The following UNC5C variants were observed in gnomAD, a reference collection of about 807,000 sequenced individuals.
UNC5C encodes the protein unc-5 netrin receptor C.
Under a neutral mutation model 99.8 loss-of-function variants are expected in UNC5C, and 47 were observed. The ratio of observed to expected loss-of-function variants is 0.47; its 90% CI spans 0.37 to 0.60. The LOEUF (loss-of-function observed/expected upper bound fraction) is 0.60. Ranked by LOEUF, UNC5C falls within the 20% of genes least tolerant of loss-of-function variation. The pLI is 0.00. For synonymous variants in UNC5C, 487 were observed against 452.2 expected, an observed-to-expected ratio of 1.08 and a Z score of -0.98; for missense variants, 1,062 against 1,165.9, an observed-to-expected ratio of 0.91 and a Z score of 1.30.
At chr4:95,345,449 C>T (rs1743736055) in intron 1 of UNC5C, among the ~76,000 whole-genome samples, 1 of 151,860 alleles carries the variant, frequency 6.6e-6, no homozygotes, top group African/African-American at 2.4e-5. Context: ...CACAGATCAT[C>T]CAGATGGAAA....
intron 1 of UNC5C, among the ~76,000 whole-genome samples, chr4:95,479,647 G>C (rs1231254990): frequency 1.3e-5 from 2 of 151,782 alleles, no homozygotes; most frequent in Non-Finnish European, 2.9e-5. Context: ...TAATCATAAG[G>C]AATAGCTTAG....
At chr4:95,234,258 C>T (rs1739018018) in intron 7 of UNC5C, among the ~76,000 whole-genome samples, 1 of 152,014 alleles carries the variant, frequency 6.6e-6, no homozygotes. Flanking sequence ...AACTGGTCTT[C>T]CAATACTGAT....
chr4:95,293,295 C>CTTTTT lies in UNC5C; in HGVS notation c.490+8306_490+8310dup, dbSNP rs1175837199. ...TTTCTGTATTATAAATAATAGTGAG[C>CTTTTT]TTTTTTTTTTTTTTTTTTTTTTTTT... On this transcript the variant is annotated intron_variant, in intron 3 of 15. Transcript: ENST00000453304. Among the ~76,000 whole-genome samples the CTTTTT allele has an allele frequency of 5.1e-3, 292 of 56,902 alleles. 84 individuals carry two copies. Among genetic ancestry groups the CTTTTT allele is most frequent in the African/African-American group, 0.02 (277 of 13,586 alleles). The allele number at this position is 56,902 out of a possible 152,430, so 37.3% of individuals were successfully genotyped here. A position where few individuals can be genotyped will look rare whatever the true frequency, so the allele number is the denominator to read the frequency against.
chr4:95,388,496 G>A (rs1050065578), intron 1 of UNC5C, among the ~76,000 whole-genome samples: 1 of 152,148 alleles, frequency 6.6e-6, no homozygotes, highest in African/African-American at 2.4e-5. Context: ...AACCGGGGAT[G>A]AGGCCACTGG....
At chr4:95,450,209 C>T (rs1474958989) in intron 1 of UNC5C, among the ~76,000 whole-genome samples, 1 of 152,136 alleles carries the variant, frequency 6.6e-6, no homozygotes, top group East Asian at 1.9e-4. Context: ...TAAGGTGGTG[C>T]TTCTTCCCCC....
chr4:95,464,223 T>G (rs939217912), intron 1 of UNC5C, among the ~76,000 whole-genome samples: 1 of 152,196 alleles, frequency 6.6e-6, no homozygotes, highest in African/African-American at 2.4e-5. Flanking sequence ...AAGCTCTGTA[T>G]TGTTTTACTT....
intron 1 of UNC5C, among the ~76,000 whole-genome samples, chr4:95,400,385 T>TA (rs1745653857): frequency 2.5e-5 from 1 of 40,170 alleles, no homozygotes; most frequent in African/African-American, 1.4e-4. Context: ...AGATGAATTC[T>TA]TTTTTTTTTT....
At chr4:95,227,353 A>G (rs139069750) in intron 7 of UNC5C, among the ~76,000 whole-genome samples, 2,255 of 152,032 alleles carry the variant, frequency 0.015, 28 homozygotes, top group South Asian at 0.024. Flanking sequence ...GGGTCTCGCT[A>G]TGTTGCCCAG....
At chr4:95,358,366 C>G (rs973633969) in intron 1 of UNC5C, among the ~76,000 whole-genome samples, 3 of 152,166 alleles carry the variant, frequency 2.0e-5, no homozygotes, top group Non-Finnish European at 4.4e-5. Flanking sequence ...TCATTATAAA[C>G]CACATTTATT....
chr4:95,380,757 A>G (rs1745046969), intron 1 of UNC5C, among the ~76,000 whole-genome samples: 1 of 152,214 alleles, frequency 6.6e-6, no homozygotes, highest in South Asian at 2.1e-4. Context: ...CCTTACATTT[A>G]TTCAGAATTC....
chr4:95,254,628 C>T (rs1328090769), intron 4 of UNC5C, among the ~76,000 whole-genome samples: 1 of 152,154 alleles, frequency 6.6e-6, no homozygotes, highest in Non-Finnish European at 1.5e-5. Context: ...CACCTATTAC[C>T]AAATCAAAAT....
rs145155041 is a variant in UNC5C, at chr4:95,242,480, C to T, written c.1057G>A (p.Asp353Asn). 2.7e-3 allele frequency: 4,333 copies of T among 1,614,080 alleles called. 8 individuals are homozygous for T. Among genetic ancestry groups the T allele is most frequent in the Non-Finnish European group, 3.3e-3 (3,896 of 1,179,970 alleles). Residue 353 changes from aspartate to asparagine, a missense_variant, in exon 7 of 16, where the codon GAC becomes AAC. By Grantham distance (23) the Asp-to-Asn change is conservative (BLOSUM62 1). Coordinates refer to ENST00000453304, the MANE Select transcript of UNC5C (RefSeq NM_003728.4). ...TTCTTGGATTGCAAGACGAGGCCGTCGCAGTCCTTGCCTCCATTCTTGGGG... is the reference window on the plus strand; with the variant it reads ...TTCTTGGATTGCAAGACGAGGCCGTTGCAGTCCTTGCCTCCATTCTTGGGG... Reference protein sequence around the residue: ...PAPKNGGKDCDGLVLQSKNCT... With the variant: ...PAPKNGGKDCNGLVLQSKNCT...
chr4:95,252,390 T>G (rs1739779434), intron 4 of UNC5C, among the ~76,000 whole-genome samples: 1 of 152,220 alleles, frequency 6.6e-6, no homozygotes, highest in South Asian at 2.1e-4. Context: ...GTGCTCAGTG[T>G]GCTTCTCTTT....
At chr4:95,511,973 T>C (rs1218279384) in intron 1 of UNC5C, among the ~76,000 whole-genome samples, 2 of 152,066 alleles carry the variant, frequency 1.3e-5, no homozygotes, top group African/African-American at 2.4e-5. Flanking sequence ...TTGAAGGGTA[T>C]GTGACTACTT....
intron 2 of UNC5C, among the ~76,000 whole-genome samples, chr4:95,306,736 T>C (rs2149406243): frequency 6.6e-6 from 1 of 152,294 alleles, no homozygotes; most frequent in African/African-American, 2.4e-5. Context: ...TATCATGTTG[T>C]GCAGGCCTGG....
rs201255630 is a variant in UNC5C, at chr4:95,256,689, GAACT to G, written c.595-6026_595-6023del. 7.6e-3 allele frequency among the ~76,000 whole-genome samples: 818 copies of G among 107,834 alleles called. 13 individuals are homozygous for G. The highest frequency in any genetic ancestry group is 0.024 in the African/African-American group (765 of 32,342). The allele number at this position is 107,834 out of a possible 152,430, so 70.7% of individuals were successfully genotyped here. ...TGAGTCAGAGTTGTCTAGAGGGACA[GAACT>G]AAATAAATATATATATATATATATA... On this transcript the variant is annotated intron_variant, in intron 4 of 15. Transcript: ENST00000453304.
intron 1 of UNC5C, among the ~76,000 whole-genome samples, chr4:95,522,153 T>A (rs891279813): frequency 6.6e-6 from 1 of 152,108 alleles, no homozygotes; most frequent in African/African-American, 2.4e-5. Context: ...TTAAACATTG[T>A]ATAAAGGTAT....
At chr4:95,282,557 A>G (rs181200154) in intron 3 of UNC5C, among the ~76,000 whole-genome samples, 57 of 152,360 alleles carry the variant, frequency 3.7e-4, no homozygotes, top group African/African-American at 1.2e-3. Flanking sequence ...GAATGAAGAC[A>G]TAAAGATCCA....
At chr4:95,308,297 A>G (rs1742132554) in intron 2 of UNC5C, among the ~76,000 whole-genome samples, 1 of 152,196 alleles carries the variant, frequency 6.6e-6, no homozygotes, top group Non-Finnish European at 1.5e-5. Flanking sequence ...TAATGATTCT[A>G]TACATGAATA....
Sources: allele counts gnomAD v4.1 joint callset (sites outside exome capture counted in the v4.1 genomes callset), GRCh38; gene constraint gnomAD v4.1.1; transcripts MANE v1.5; gene names NCBI Gene and HGNC (gene_info 2026-07-23, HGNC 2026-07-21).